The following PHACTR1 variants were observed in gnomAD, a reference collection of about 807,000 sequenced individuals.
PHACTR1 encodes the protein RPEL repeat containing 1.
PHACTR1 carries 16 observed loss-of-function variants against 69.2 expected under a neutral mutation model. The observed-to-expected ratio is 0.23, with a 90% CI of 0.16 to 0.35. The LOEUF is 0.35. Ranked by LOEUF, PHACTR1 falls within the 10% of genes least tolerant of loss-of-function variation. The probability of loss-of-function intolerance (pLI) is 1.00; values close to 1 mark genes in which losing one functional copy is unlikely to be tolerated. For synonymous variants in PHACTR1, 312 were observed against 284.5 expected, an observed-to-expected ratio of 1.10 and a Z score of -0.97; for missense variants, 510 against 734.7, an observed-to-expected ratio of 0.69 and a Z score of 3.54.
intron 4 of PHACTR1, among the ~76,000 whole-genome samples, chr6:12,845,429 A>ACCCCCCCC (rs1214194071): frequency 5.5e-5 from 1 of 18,026 alleles, no homozygotes; most frequent in Non-Finnish European, 9.9e-5. Context: ...AACACCACCC[A>ACCCCCCCC]CCCCCCCCCC....
chr6:13,007,442 C>G (rs1295285959), intron 4 of PHACTR1, among the ~76,000 whole-genome samples: 1 of 152,176 alleles, frequency 6.6e-6, no homozygotes, highest in Non-Finnish European at 1.5e-5. Context: ...TCTACCTAAT[C>G]TGTCCCCTAT....
chr6:12,887,207 C>T (rs1289300690), intron 4 of PHACTR1, among the ~76,000 whole-genome samples: 1 of 152,292 alleles, frequency 6.6e-6, no homozygotes, highest in East Asian at 1.9e-4. Flanking sequence ...TCCTCAGGTT[C>T]CACTCCAATT....
At chr6:13,015,335 G>T (rs1019369520) in intron 4 of PHACTR1, among the ~76,000 whole-genome samples, 1 of 152,188 alleles carries the variant, frequency 6.6e-6, no homozygotes, top group Admixed American at 6.5e-5. Context: ...AACTGGGACG[G>T]CACTGGAGGA....
chr6:13,127,187 A>G (rs1042720342), intron 5 of PHACTR1, among the ~76,000 whole-genome samples: 1 of 152,190 alleles, frequency 6.6e-6, no homozygotes, highest in East Asian at 1.9e-4. Context: ...CTGGGCCTCG[A>G]TCTCCTTTGC....
At chr6:13,037,928 G>C (rs1446817505) in intron 4 of PHACTR1, among the ~76,000 whole-genome samples, 1 of 152,200 alleles carries the variant, frequency 6.6e-6, no homozygotes, top group Non-Finnish European at 1.5e-5. Context: ...TAAGGGAAAA[G>C]GTGGTATCAA....
chr6:13,034,287 G>C (rs895204061), intron 4 of PHACTR1, among the ~76,000 whole-genome samples: 5 of 152,186 alleles, frequency 3.3e-5, no homozygotes, highest in Non-Finnish European at 7.3e-5. Context: ...AAAGTGCTGG[G>C]ATTACAGGCG....
At chr6:13,019,607 T>A (rs1800684119) in intron 4 of PHACTR1, among the ~76,000 whole-genome samples, 2 of 152,258 alleles carry the variant, frequency 1.3e-5, no homozygotes, top group Admixed American at 6.5e-5. Context: ...TTTCCCCTTT[T>A]GTTCTAATAT....
At position 13,181,107 on chromosome 6, in the gene PHACTR1, A is replaced by T. The variant is rs557201583; in HGVS notation, c.497-1412A>T. ...TATGCTTATAGAAGATTCAGGTCAA[A>T]CACCATATGCCCTTGAATCATATGC... On this transcript the variant is annotated intron_variant, in intron 6 of 14. Coordinates refer to ENST00000332995, the MANE Select transcript of PHACTR1 (RefSeq NM_030948.6). Among the ~76,000 whole-genome samples the T allele has an allele frequency of 5.9e-5, 9 of 151,902 alleles. No individual in the cohort carries two copies. In the South Asian group the frequency reaches 1.9e-3, roughly 32 times the overall value.
intron 4 of PHACTR1, among the ~76,000 whole-genome samples, chr6:12,806,425 C>A (rs530133033): frequency 6.6e-6 from 1 of 152,116 alleles, no homozygotes; most frequent in Non-Finnish European, 1.5e-5. Context: ...TTTTAGGTCA[C>A]AAAATCCTAA....
intron 5 of PHACTR1, among the ~76,000 whole-genome samples, chr6:13,156,963 A>G (rs1758267467): frequency 6.6e-6 from 1 of 152,154 alleles, no homozygotes; most frequent in Non-Finnish European, 1.5e-5. Flanking sequence ...TCACCTAGTC[A>G]TTGGCCTCTT....
At chr6:12,730,442 CA>C (rs1405818443) in intron 3 of PHACTR1, among the ~76,000 whole-genome samples, 1 of 149,484 alleles carries the variant, frequency 6.7e-6, no homozygotes, top group Admixed American at 6.6e-5. Context: ...TCTCAGTTAA[CA>C]CTTATAAGGT....
intron 5 of PHACTR1, among the ~76,000 whole-genome samples, chr6:13,148,485 T>C (rs1210236561): frequency 2.0e-5 from 3 of 152,210 alleles, no homozygotes. Flanking sequence ...CCAAAATGCT[T>C]CAACAGCTGG....
At chr6:12,762,310 T>G (rs1004387397) in intron 4 of PHACTR1, among the ~76,000 whole-genome samples, 13 of 152,252 alleles carry the variant, frequency 8.5e-5, no homozygotes, top group Non-Finnish European at 1.0e-4. Context: ...GCCAATTGTC[T>G]GGGGCTGGAG....
In PHACTR1 at chr6:13,227,905, T is replaced by G. The variant is rs1470795358; in HGVS notation, c.1076T>G (p.Leu359Arg). ...GTCACCAAAGCAGGACCTATGGGCCTTCCAGAAATAAGACAAGTGCCAACT... is the reference window on the plus strand; with the variant it reads ...GTCACCAAAGCAGGACCTATGGGCCGTCCAGAAATAAGACAAGTGCCAACT... The part of the protein sequence containing the change: ...DGVTKAGPMG[L>R]PEIRQVPTVV... Residue 359 changes from leucine to arginine, a missense_variant, in exon 9 of 15, where the codon CTT becomes CGT. By Grantham distance (102) the Leu-to-Arg change is moderately radical. Transcript: ENST00000332995. The G allele has an allele frequency of 5.6e-6, 9 of 1,614,018 alleles. No individual in the cohort carries two copies. The highest frequency in any genetic ancestry group is 7.6e-6 in the Non-Finnish European group (9 of 1,179,896).
intron 6 of PHACTR1, among the ~76,000 whole-genome samples, chr6:13,161,323 G>T (rs1183997472): frequency 1.3e-5 from 2 of 151,984 alleles, no homozygotes; most frequent in East Asian, 3.8e-4. Flanking sequence ...TTCTCTTCTT[G>T]CTCCTCCTTC....
At position 12,934,059 on chromosome 6, in the gene PHACTR1, G is replaced by T. The variant is rs145126821; in HGVS notation, c.251-119306G>T. 76 of 1,354,684 alleles carry T rather than the reference G, an allele frequency of 5.6e-5. No homozygotes were observed. The East Asian group carries it at 1.7e-3, about 30-fold the overall frequency. The allele number at this position is 1,354,684 out of a possible 1,614,324, so 83.9% of individuals were successfully genotyped here. Reference sequence around the variant, plus strand: ...CTTGAAGTCCCAAATCAAGGTGTTGGTGGGGCCACGGTCCTTTTGCAGGCT... The same window carrying T: ...CTTGAAGTCCCAAATCAAGGTGTTGTTGGGGCCACGGTCCTTTTGCAGGCT... On this transcript the variant is annotated intron_variant, in intron 4 of 14. Coordinates refer to ENST00000332995, the MANE Select transcript of PHACTR1 (RefSeq NM_030948.6).
At chr6:13,197,190 A>T (rs1004172815) in intron 7 of PHACTR1, among the ~76,000 whole-genome samples, 1 of 152,232 alleles carries the variant, frequency 6.6e-6, no homozygotes, top group Admixed American at 6.5e-5. Context: ...CCTCTGATGC[A>T]TCAAGGACTG....
intron 5 of PHACTR1, among the ~76,000 whole-genome samples, chr6:13,152,497 A>T (rs1321903680): frequency 6.6e-6 from 1 of 152,200 alleles, no homozygotes; most frequent in African/African-American, 2.4e-5. Flanking sequence ...AGAGGAGTTT[A>T]AAAAATGACT....
intron 4 of PHACTR1, among the ~76,000 whole-genome samples, chr6:12,866,073 A>G (rs959007694): frequency 2.0e-5 from 3 of 152,086 alleles, no homozygotes; most frequent in Non-Finnish European, 4.4e-5. Context: ...TCTTTCAATT[A>G]TGTTTTATAT....
Sources: gnomAD v4.1 joint callset for allele counts (sites outside exome capture counted in the v4.1 genomes callset) on GRCh38, gnomAD v4.1.1 for gene constraint, MANE v1.5 for transcripts, NCBI Gene and HGNC (gene_info 2026-07-23, HGNC 2026-07-21) for gene names.